Variants in ROBO2 observed in about 807,000 individuals in gnomAD.
ROBO2 encodes the protein roundabout homolog 2.
ROBO2 carries 53 observed loss-of-function variants against 160.8 expected under a neutral mutation model. That is an observed-to-expected ratio of 0.33 (90% CI 0.26 to 0.41). The LOEUF (loss-of-function observed/expected upper bound fraction) is 0.41. Ranked by LOEUF, ROBO2 falls within the 10% of genes least tolerant of loss-of-function variation. The probability of loss-of-function intolerance (pLI) is 1.00; values close to 1 mark genes in which losing one functional copy is unlikely to be tolerated. For missense variants in ROBO2, 1,577 were observed against 1,722.4 expected, an observed-to-expected ratio of 0.92 and a Z score of 1.49; for synonymous variants, 664 against 611.7, an observed-to-expected ratio of 1.09 and a Z score of -1.26.
At chr3:76,425,712 T>G (rs1161661095) in intron 2 of ROBO2, among the ~76,000 whole-genome samples, 1 of 152,070 alleles carries the variant, frequency 6.6e-6, no homozygotes, top group Non-Finnish European at 1.5e-5. Context: ...AGAACAAAGA[T>G]ACCTTTTGTA....
intron 2 of ROBO2, among the ~76,000 whole-genome samples, chr3:76,885,713 G>A (rs960786904): frequency 1.3e-5 from 2 of 152,126 alleles, no homozygotes; most frequent in Non-Finnish European, 2.9e-5. Flanking sequence ...ACTATATCAG[G>A]TACCTCTAGT....
chr3:76,463,204 GGACACT>G (rs983280425), intron 2 of ROBO2, among the ~76,000 whole-genome samples: 1 of 151,970 alleles, frequency 6.6e-6, no homozygotes, highest in African/African-American at 2.4e-5. Context: ...GATTTAGGGA[GGACACT>G]GTGCACCCCG....
chr3:76,628,433 GTTT>G (rs10670772), intron 2 of ROBO2, among the ~76,000 whole-genome samples: 1 of 135,366 alleles, frequency 7.4e-6, no homozygotes. Context: ...TAATTTTTAG[GTTT>G]TTTTTTTTTT....
At chr3:76,477,200 C>T (rs144586913) in intron 2 of ROBO2, among the ~76,000 whole-genome samples, 105 of 152,270 alleles carry the variant, frequency 6.9e-4, no homozygotes, top group African/African-American at 2.5e-3. Context: ...TATATCATAA[C>T]TATGAACCAA....
chr3:77,609,878 T>TAA (rs200888625), intron 21 of ROBO2, among the ~76,000 whole-genome samples: 1 of 149,216 alleles, frequency 6.7e-6, no homozygotes, highest in Non-Finnish European at 1.5e-5. Flanking sequence ...TAGTATTTGC[T>TAA]AAAAAAAGAA....
intron 1 of ROBO2, among the ~76,000 whole-genome samples, chr3:77,042,797 G>C (rs1021705798): frequency 1.3e-5 from 2 of 151,574 alleles, no homozygotes; most frequent in African/African-American, 2.4e-5. Flanking sequence ...AGACAACCTA[G>C]AACCTTTGTT....
intron 1 of ROBO2, among the ~76,000 whole-genome samples, chr3:77,093,684 A>G (rs2070645755): frequency 6.6e-6 from 1 of 152,132 alleles, no homozygotes; most frequent in South Asian, 2.1e-4. Flanking sequence ...ATTAATCCCC[A>G]TATTTTTAAT....
At chr3:77,632,248 A>G (rs563603741) in intron 23 of ROBO2, 60 of 434,026 alleles carry the variant, frequency 1.4e-4, no homozygotes, top group African/African-American at 1.2e-3. Flanking sequence ...ACAGTGCAGC[A>G]CATGCTTTGC....
chr3:76,771,760 C>G (rs918883065), intron 2 of ROBO2, among the ~76,000 whole-genome samples: 1 of 150,986 alleles, frequency 6.6e-6, no homozygotes, highest in South Asian at 2.1e-4. Context: ...GTTTAAAACT[C>G]TGGGGAAAAT....
At chr3:77,614,938 T>C (rs1436603765) in intron 21 of ROBO2, among the ~76,000 whole-genome samples, 18 of 152,130 alleles carry the variant, frequency 1.2e-4, no homozygotes, top group Admixed American at 1.2e-3. Flanking sequence ...ATTTGAACTC[T>C]TCAAATTCCT....
chr3:77,586,669 C>G (rs1305345114), intron 16 of ROBO2, among the ~76,000 whole-genome samples: 2 of 151,662 alleles, frequency 1.3e-5, no homozygotes, highest in African/African-American at 4.8e-5. Context: ...TATTATGGAT[C>G]CTTTACAAAA....
intron 2 of ROBO2, among the ~76,000 whole-genome samples, chr3:77,151,511 T>C (rs2077543228): frequency 6.6e-6 from 1 of 152,154 alleles, no homozygotes; most frequent in Non-Finnish European, 1.5e-5. Flanking sequence ...GATGAATGCT[T>C]TGTGAATCTT....
At chr3:77,129,471 T>A (rs2075651711) in intron 2 of ROBO2, among the ~76,000 whole-genome samples, 1 of 152,238 alleles carries the variant, frequency 6.6e-6, no homozygotes, top group African/African-American at 2.4e-5. Flanking sequence ...TTTGACGAAC[T>A]CTTGGAAAGC....
chr3:76,424,175 CAT>C (rs1236358679), intron 2 of ROBO2, among the ~76,000 whole-genome samples: 1 of 152,118 alleles, frequency 6.6e-6, no homozygotes, highest in African/African-American at 2.4e-5. Context: ...TGAAAATTTT[CAT>C]ATTACCTTAA....
chr3:77,225,317 T>C (rs1009684875), intron 2 of ROBO2, among the ~76,000 whole-genome samples: 2 of 151,968 alleles, frequency 1.3e-5, no homozygotes, highest in Non-Finnish European at 2.9e-5. Flanking sequence ...TGGATTTTTT[T>C]CAAAGATATT....
chr3:77,157,155 A>G (rs2078087567), intron 2 of ROBO2, among the ~76,000 whole-genome samples: 1 of 152,080 alleles, frequency 6.6e-6, no homozygotes, highest in African/African-American at 2.4e-5. Context: ...ATATGTCTAT[A>G]GAGGTGATGC....
chr3:76,328,924 A>ATATG (rs2073260949), intron 2 of ROBO2, among the ~76,000 whole-genome samples: 1 of 148,156 alleles, frequency 6.7e-6, no homozygotes, highest in Non-Finnish European at 1.5e-5. Context: ...ATATATATAT[A>ATATG]TATATATGTT....
chr3:76,194,350 G>GTGTGTATA (rs759087780), intron 2 of ROBO2, among the ~76,000 whole-genome samples: 8 of 42,044 alleles, frequency 1.9e-4, no homozygotes, highest in African/African-American at 4.8e-4. Flanking sequence ...TGTATGGTGT[G>GTGTGTATA]TAAATATATA....
chr3:77,551,012 G>T (rs2092901046), intron 8 of ROBO2, 23 bp downstream of exon 9: 1 of 1,611,190 alleles, frequency 6.2e-7, no homozygotes, highest in African/African-American at 1.3e-5. Context: ...TACTAGATTT[G>T]TCTTATGAAA....
Sources: allele counts gnomAD v4.1 joint callset (sites outside exome capture counted in the v4.1 genomes callset), GRCh38; gene constraint gnomAD v4.1.1; transcripts MANE v1.5; gene names NCBI Gene and HGNC (gene_info 2026-07-23, HGNC 2026-07-21).